The following RFFL variants were observed in gnomAD, a reference collection of about 807,000 sequenced individuals.
The protein encoded by RFFL is E3 ubiquitin-protein ligase rififylin.
RFFL carries 16 observed loss-of-function variants against 40.4 expected under a neutral mutation model. The observed-to-expected ratio is 0.40, with a 90% CI of 0.27 to 0.60. The LOEUF is 0.60. RFFL is among the 20% of genes least tolerant of loss of function. RFFL has a pLI of 0.47. For missense variants in RFFL, 367 were observed against 451.7 expected (o/e 0.81, Z 1.70); for synonymous variants, 154 against 167.9 (o/e 0.92, Z 0.64).
At chr17:35,062,683 G>A (rs902142906) in intron 1 of RFFL, among the ~76,000 whole-genome samples, 2 of 152,146 alleles carry the variant, frequency 1.3e-5, no homozygotes, top group South Asian at 2.1e-4. Flanking sequence ...GTAAAAGAAC[G>A]CTTACATATG....
At chr17:35,027,082 A>G (rs987343115) in intron 1 of RFFL, among the ~76,000 whole-genome samples, 1 of 152,196 alleles carries the variant, frequency 6.6e-6, no homozygotes, top group African/African-American at 2.4e-5. Flanking sequence ...ATATATAGAG[A>G]GCTAATATAC....
At chr17:35,059,017 A>ATTTT (rs750015998) in intron 1 of RFFL, among the ~76,000 whole-genome samples, 6 of 123,474 alleles carry the variant, frequency 4.9e-5, no homozygotes, top group African/African-American at 1.6e-4. Flanking sequence ...TCGAGCTAGA[A>ATTTT]TTTTTTTTTT....
In RFFL at chr17:35,057,619, G is replaced by A. The variant is rs138115272; in HGVS notation, c.-9+5957C>T. Among the ~76,000 whole-genome samples the A allele has an allele frequency of 8.0e-5, 12 of 149,630 alleles. No homozygotes were observed. The East Asian group carries it at 2.2e-3, about 27-fold the overall frequency. On this transcript the variant is annotated intron_variant, in intron 1 of 6. Coordinates refer to ENST00000394597, the MANE Select transcript of RFFL (RefSeq NM_001017368.2). ...GGAATCAATCTCACCCTTCAGATCA[G>A]TGCTTCATTTCTAAATGCCTGCTAA...
intron 3 of RFFL, among the ~76,000 whole-genome samples, chr17:35,020,145 T>C (rs562253219): frequency 1.4e-4 from 22 of 152,318 alleles, no homozygotes; most frequent in African/African-American, 5.1e-4. Flanking sequence ...ATTTCATTGT[T>C]GTAGGCTCAA....
At chr17:35,048,690 AG>A (rs201905393) in intron 1 of RFFL, among the ~76,000 whole-genome samples, 2,064 of 152,174 alleles carry the variant, frequency 0.014, 45 homozygotes, top group East Asian at 0.099. Context: ...TTTCTCCCTT[AG>A]CTCCTCAACC....
chr17:35,015,641 G>C (rs1467730359), intron 5 of RFFL, among the ~76,000 whole-genome samples: 1 of 152,190 alleles, frequency 6.6e-6, no homozygotes, highest in African/African-American at 2.4e-5. Flanking sequence ...ACCAAGCAAG[G>C]AATCAGTATG....
intron 3 of RFFL, chr17:35,018,954 C>G (rs2090991340): frequency 6.6e-6 from 1 of 152,250 alleles, no homozygotes; most frequent in Admixed American, 6.5e-5. Context: ...TCTTGTCTTT[C>G]CAGTTTGCCC....
Position 35,085,436 on chromosome 17 carries a change from T to C in RFFL, c.-9+3669A>G, listed in dbSNP as rs115676779. On this transcript the variant is annotated intron_variant, in intron 1 of 6. Coordinates refer to the RFFL transcript ENST00000315249. Reference sequence around the variant, plus strand: ...ACTCCAGAGGAAATGCAGTTTTTTGTTGTTGTTTTTGAGATGGAGTTTCGC... The same window carrying C: ...ACTCCAGAGGAAATGCAGTTTTTTGCTGTTGTTTTTGAGATGGAGTTTCGC... Among the ~76,000 whole-genome samples, 1,502 of 152,306 alleles carry C rather than the reference T, an allele frequency of 9.9e-3. 22 individuals carry two copies. Among genetic ancestry groups the C allele is most frequent in the African/African-American group, 0.034 (1,425 of 41,564 alleles).
chr17:35,061,979 C>G (rs1368302996), intron 1 of RFFL, among the ~76,000 whole-genome samples: 8 of 152,040 alleles, frequency 5.3e-5, no homozygotes, highest in Non-Finnish European at 7.4e-5. Context: ...CGTGCCCAGC[C>G]TGACTTTAAA....
At chr17:35,030,952 T>G (rs1455068633) in intron 1 of RFFL, among the ~76,000 whole-genome samples, 1 of 152,070 alleles carries the variant, frequency 6.6e-6, no homozygotes. Context: ...ATATAAACAT[T>G]AGTTGTTGTT....
chr17:35,075,851 C>T (rs2091372829), intron 1 of RFFL, among the ~76,000 whole-genome samples: 1 of 152,144 alleles, frequency 6.6e-6, no homozygotes, highest in African/African-American at 2.4e-5. Flanking sequence ...TATTTTCTGT[C>T]TCCCATCTTT....
rs553510045 is a variant in RFFL at position 35,026,883 on chromosome 17, T to C, written c.-8-322A>G. On this transcript the variant is annotated intron_variant, in intron 1 of 6. Transcript: ENST00000394597. Reference sequence around the variant, plus strand: ...ATCACGCCCGGCTTTTTTGTATTTTTAGTAGAGATGGGATTTCACCACATT... The same window carrying C: ...ATCACGCCCGGCTTTTTTGTATTTTCAGTAGAGATGGGATTTCACCACATT... Among the ~76,000 whole-genome samples, 7 of 152,182 alleles carry C rather than the reference T, an allele frequency of 4.6e-5. No individual in the cohort carries two copies. In the East Asian group the frequency reaches 1.4e-3, roughly 29 times the overall value.
chr17:35,035,675 T>G (rs940112533), intron 1 of RFFL, among the ~76,000 whole-genome samples: 1 of 149,018 alleles, frequency 6.7e-6, no homozygotes, highest in Non-Finnish European at 1.5e-5. Context: ...ATATATATAT[T>G]TTACTCCATA....
chr17:35,023,217 A>C (rs2091020398), intron 2 of RFFL, among the ~76,000 whole-genome samples: 1 of 152,270 alleles, frequency 6.6e-6, no homozygotes, highest in Non-Finnish European at 1.5e-5. Context: ...AAGATATTCA[A>C]GCTAAAAAAG....
Position 35,084,682 on chromosome 17 carries a change from G to A in RFFL, c.-9+4423C>T, listed in dbSNP as rs1049170400. Among the ~76,000 whole-genome samples the A allele has an allele frequency of 4.0e-5, 6 of 151,844 alleles. 1 individual carries two copies. Among genetic ancestry groups the A allele is most frequent in the Admixed American group, 3.9e-4 (6 of 15,236 alleles). On this transcript the variant is annotated intron_variant, in intron 1 of 6. Coordinates refer to the RFFL transcript ENST00000315249. ...AGGCGGGCAGATCACATGAGGTCAG[G>A]AGTTCAAGATCAGCCTGGCCAATGT...
At chr17:35,033,741 T>A (rs963295497) in intron 1 of RFFL, among the ~76,000 whole-genome samples, 2 of 151,770 alleles carry the variant, frequency 1.3e-5, no homozygotes, top group African/African-American at 4.9e-5. Context: ...GCACAGTGGC[T>A]TACATCTATA....
At chr17:35,083,644 G>C (rs1263915129) in intron 1 of RFFL, among the ~76,000 whole-genome samples, 3 of 152,014 alleles carry the variant, frequency 2.0e-5, no homozygotes, top group South Asian at 2.1e-4. Context: ...GGCTGGACAT[G>C]GTGGCGCATG....
In RFFL at chr17:35,009,089, A is replaced by G. The variant is rs1205678748; in HGVS notation, c.*2879T>C. 6.6e-6 allele frequency: 1 copy of G among 152,582 alleles called. No individual in the cohort carries two copies. Among genetic ancestry groups the G allele is most frequent in the Non-Finnish European group, 1.5e-5 (1 of 68,048 alleles). 9.5% of individuals were successfully genotyped at this position (152,582 alleles called of 1,614,324 possible). Reference sequence around the variant, plus strand: ...CTTTTGTCAGTCCTATCAACCTCTAACATCCTCGCACCAGACAGGACAGGT... The same window carrying G: ...CTTTTGTCAGTCCTATCAACCTCTAGCATCCTCGCACCAGACAGGACAGGT... On this transcript the variant is annotated 3_prime_UTR_variant, in exon 7 of 7. Transcript: ENST00000394597.
intron 1 of RFFL, among the ~76,000 whole-genome samples, chr17:35,082,957 T>A (rs1264081526): frequency 6.6e-6 from 1 of 152,200 alleles, no homozygotes; most frequent in Non-Finnish European, 1.5e-5. Flanking sequence ...AGTGCCTGAA[T>A]CTGTTTTAAA....
Sources: allele counts gnomAD v4.1 joint callset (sites outside exome capture counted in the v4.1 genomes callset), GRCh38; gene constraint gnomAD v4.1.1; transcripts MANE v1.5; gene names NCBI Gene and HGNC (gene_info 2026-07-23, HGNC 2026-07-21).